SPAG16: variants seen among roughly 807,000 people sequenced by gnomAD.
SPAG16 encodes the protein sperm-associated antigen 16 protein.
Under a neutral mutation model 80.4 loss-of-function variants are expected in SPAG16, and 86 were observed. That is an observed-to-expected ratio of 1.07 (90% CI 0.90 to 1.28). SPAG16 has a LOEUF of 1.28. Among genes scored for constraint, SPAG16 ranks in the 50% most tolerant of loss-of-function variants. The pLI is 0.00. For missense variants in SPAG16, 870 were observed against 765.3 expected, an observed-to-expected ratio of 1.14 and a Z score of -1.61; for synonymous variants, 294 against 265.9, an observed-to-expected ratio of 1.11 and a Z score of -1.03.
chr2:213,371,432 G>T (rs542508470), intron 8 of SPAG16, among the ~76,000 whole-genome samples: 34 of 138,906 alleles, frequency 2.4e-4, no homozygotes, highest in Admixed American at 4.4e-4. Context: ...AAGAAAAGAC[G>T]ATTTATTGGT....
At chr2:213,391,723 A>G (rs2067764304) in intron 9 of SPAG16, among the ~76,000 whole-genome samples, 2 of 152,210 alleles carry the variant, frequency 1.3e-5, no homozygotes, top group South Asian at 2.1e-4. Flanking sequence ...TTCTCTTTTA[A>G]GTGTGACATA....
chr2:213,636,714 C>T (rs376627880), intron 10 of SPAG16, among the ~76,000 whole-genome samples: 8 of 152,108 alleles, frequency 5.3e-5, no homozygotes, highest in African/African-American at 1.7e-4. Context: ...TGTTTTGCAG[C>T]TATTGTAAAA....
intron 10 of SPAG16, among the ~76,000 whole-genome samples, chr2:213,619,628 T>A (rs1013895099): frequency 1.3e-5 from 2 of 152,128 alleles, no homozygotes; most frequent in African/African-American, 4.8e-5. Context: ...TCACTCCAGT[T>A]AGAATAGCTA....
Position 213,653,503 on chromosome 2 carries a change from C to A in SPAG16, c.1070+163413C>A, listed in dbSNP as rs560800775. Among the ~76,000 whole-genome samples the A allele has an allele frequency of 2.8e-4, 42 of 152,242 alleles. No homozygotes were observed. The South Asian group carries it at 8.3e-3, about 30-fold the overall frequency. On this transcript the variant is annotated intron_variant, in intron 10 of 15. Transcript: ENST00000331683. Reference sequence around the variant, plus strand: ...ATCATTCAAGTGAGATAATTTGTTGCAATTTTTCAATGTTTCATTCTAGTT... The same window carrying A: ...ATCATTCAAGTGAGATAATTTGTTGAAATTTTTCAATGTTTCATTCTAGTT...
chr2:213,949,179 T>TTTTTTTTTTTTTTTGTTTTTG (rs1575623841), intron 12 of SPAG16, among the ~76,000 whole-genome samples: 2 of 36,260 alleles, frequency 5.5e-5, no homozygotes, highest in African/African-American at 8.1e-5. Context: ...GTTTTTTTTT[T>TTTTTTTTTTTTTTTGTTTTTG]TTTTTTTTTT....
intron 10 of SPAG16, among the ~76,000 whole-genome samples, chr2:213,587,209 A>G (rs1184737410): frequency 6.6e-6 from 1 of 152,150 alleles, no homozygotes; most frequent in Non-Finnish European, 1.5e-5. Context: ...ACATTTCTCC[A>G]GGGAGTCCTT....
At chr2:213,652,989 A>G (rs929621289) in intron 10 of SPAG16, among the ~76,000 whole-genome samples, 1 of 152,020 alleles carries the variant, frequency 6.6e-6, no homozygotes, top group African/African-American at 2.4e-5. Context: ...TTACATTTCA[A>G]TCTGTTATAC....
intron 15 of SPAG16, among the ~76,000 whole-genome samples, chr2:214,385,980 A>T (rs565300674): frequency 4.6e-5 from 7 of 152,308 alleles, no homozygotes; most frequent in Middle Eastern, 3.4e-3. Flanking sequence ...TTGCTTTCAC[A>T]TGGTCTCTTT....
At chr2:214,015,127 A>G (rs966335427) in intron 13 of SPAG16, among the ~76,000 whole-genome samples, 4 of 152,168 alleles carry the variant, frequency 2.6e-5, no homozygotes, top group Non-Finnish European at 5.9e-5. Flanking sequence ...AGCATGATCC[A>G]AGGCTGGAGT....
intron 10 of SPAG16, among the ~76,000 whole-genome samples, chr2:213,529,779 C>T (rs565712129): frequency 2.0e-5 from 3 of 152,302 alleles, no homozygotes; most frequent in African/African-American, 7.2e-5. Flanking sequence ...CTGTGCAGAT[C>T]ACTTCCCATG....
chr2:213,498,573 A>C (rs1230089839), intron 10 of SPAG16, among the ~76,000 whole-genome samples: 1 of 152,096 alleles, frequency 6.6e-6, no homozygotes, highest in African/African-American at 2.4e-5. Flanking sequence ...AACTCCTGAC[A>C]TTATCCCAAG....
At chr2:213,988,970 A>G (rs1427902323) in intron 12 of SPAG16, among the ~76,000 whole-genome samples, 1 of 152,124 alleles carries the variant, frequency 6.6e-6, no homozygotes, top group Non-Finnish European at 1.5e-5. Context: ...GAGTTCTACT[A>G]TTGCAGCTAT....
At chr2:213,448,413 A>G (rs1008824089) in intron 9 of SPAG16, among the ~76,000 whole-genome samples, 5 of 152,360 alleles carry the variant, frequency 3.3e-5, no homozygotes, top group African/African-American at 1.2e-4. Flanking sequence ...CAGGTGGAAG[A>G]AAGTCTTTCT....
chr2:214,144,566 A>G (rs1018271522), intron 14 of SPAG16, among the ~76,000 whole-genome samples: 4 of 152,134 alleles, frequency 2.6e-5, no homozygotes, highest in African/African-American at 9.7e-5. Context: ...AAGTTCCTTC[A>G]CTTAGTGTTT....
intron 14 of SPAG16, among the ~76,000 whole-genome samples, chr2:214,127,392 G>A (rs1018894662): frequency 6.6e-5 from 10 of 151,846 alleles, no homozygotes; most frequent in Admixed American, 6.0e-4. Context: ...ATCACATGCT[G>A]TTCCTTTCAA....
intron 15 of SPAG16, among the ~76,000 whole-genome samples, chr2:214,222,389 T>C (rs1053737609): frequency 6.6e-6 from 1 of 152,152 alleles, no homozygotes; most frequent in African/African-American, 2.4e-5. Flanking sequence ...AGTGCTGAGA[T>C]TACAGGCGTG....
At chr2:214,329,126 T>A (rs1025636616) in intron 15 of SPAG16, among the ~76,000 whole-genome samples, 4 of 152,256 alleles carry the variant, frequency 2.6e-5, no homozygotes, top group Admixed American at 2.0e-4. Context: ...CATTCCATTC[T>A]GTGCAAGGCA....
At chr2:213,564,472 G>C (rs1472823062) in intron 10 of SPAG16, among the ~76,000 whole-genome samples, 7 of 151,026 alleles carry the variant, frequency 4.6e-5, no homozygotes, top group African/African-American at 1.7e-4. Context: ...TCCAGTCTGG[G>C]GGACAGAGTG....
chr2:213,966,680 C>A (rs929585263), intron 12 of SPAG16, among the ~76,000 whole-genome samples: 32 of 152,226 alleles, frequency 2.1e-4, no homozygotes, highest in African/African-American at 7.7e-4. Flanking sequence ...ATAATTAGAG[C>A]AATAATCCTT....
Sources: gnomAD v4.1 joint callset for allele counts (sites outside exome capture counted in the v4.1 genomes callset) on GRCh38, gnomAD v4.1.1 for gene constraint, MANE v1.5 for transcripts, NCBI Gene and HGNC (gene_info 2026-07-23, HGNC 2026-07-21) for gene names.